Variants in DNM2 observed in about 807,000 individuals in gnomAD.
DNM2 encodes the protein dynamin-2.
A neutral mutation model predicts 99.0 loss-of-function variants in DNM2; 15 were observed. The ratio of observed to expected loss-of-function variants is 0.15; its 90% CI spans 0.10 to 0.23. The LOEUF (loss-of-function observed/expected upper bound fraction) is 0.23, where lower values mean the gene tolerates loss of function less well. Ranked by LOEUF, DNM2 falls within the 10% of genes least tolerant of loss-of-function variation. DNM2 has a pLI of 1.00. For missense variants in DNM2, 742 were observed against 1,189.4 expected (o/e 0.62, Z 5.53); for synonymous variants, 525 against 481.2 (o/e 1.09, Z -1.19).
At position 10,811,545 on chromosome 19, in the gene DNM2, G is replaced by A. The variant is rs1031311288; in HGVS notation, c.1558-719G>A. 1.1e-5 allele frequency: 4 copies of A among 376,614 alleles called. No individual in the cohort carries two copies. The highest frequency in any genetic ancestry group is 9.5e-4 in the Middle Eastern group (1 of 1,058). The allele number at this position is 376,614 out of a possible 1,614,324, so 23.3% of individuals were successfully genotyped here. On this transcript the variant is annotated intron_variant, in intron 14 of 20. Transcript: ENST00000389253. The surrounding 1 kb of genome is among the most constrained non-coding windows in gnomAD (Gnocchi z 5.4). Reference sequence around the variant, plus strand: ...CCCAGGCCGCCCTGTGCGTGCCTCCGTGTGCTTCCTGCAGCTCCCAGGGCC... The same window carrying A: ...CCCAGGCCGCCCTGTGCGTGCCTCCATGTGCTTCCTGCAGCTCCCAGGGCC...
chr19:10,801,913 A>G (rs1717772177), intron 11 of DNM2, among the ~76,000 whole-genome samples: 1 of 151,772 alleles, frequency 6.6e-6, no homozygotes, highest in Admixed American at 6.6e-5. Context: ...TCGAAGAAAA[A>G]AAAAAAAAAA....
rs772999145 is a variant in DNM2, at chr19:10,831,042, G to T, written c.2608G>T (p.Asp870Tyr). 1.2e-6 allele frequency: 2 copies of T among 1,606,370 alleles called. No individual in the cohort carries two copies. The highest frequency in any genetic ancestry group is 2.2e-5 in the East Asian group (1 of 44,618). ...CCGCCCAGCCGAGCCATCCCTGCTCGACTAGGCCTCGAGGGGGGCGTGCTC... is the reference window on the plus strand; with the variant it reads ...CCGCCCAGCCGAGCCATCCCTGCTCTACTAGGCCTCGAGGGGGGCGTGCTC... ...IIRPAEPSLL[D>Y] is the part of the protein sequence containing the mutation. The change falls in exon 21 of 21, where the codon GAC becomes TAC. Residue 870 changes from aspartate (D) to tyrosine (Y), a missense_variant. By Grantham distance (160) the Asp-to-Tyr change is radical (BLOSUM62 -3). This residue lies in a region of DNM2 where 187 missense variants were observed against 218.8 expected (regional missense o/e 0.85). Transcript: ENST00000389253. This position sits in a 1 kb window ranked among gnomAD's most constrained non-coding sequence, Gnocchi z 4.3.
At chr19:10,758,808 A>G (rs2070515698) in intron 1 of DNM2, among the ~76,000 whole-genome samples, 1 of 152,102 alleles carries the variant, frequency 6.6e-6, no homozygotes, top group South Asian at 2.1e-4. Flanking sequence ...CGGCCTCCCC[A>G]AAGTGCTGAG....
chr19:10,750,249 C>T (rs1457657253), intron 1 of DNM2, among the ~76,000 whole-genome samples: 12 of 152,008 alleles, frequency 7.9e-5, no homozygotes, highest in South Asian at 6.2e-4. Flanking sequence ...GAGGCCGATG[C>T]GGGAAGATTG....
At chr19:10,731,428 C>T (rs1185947785) in intron 1 of DNM2, among the ~76,000 whole-genome samples, 1 of 151,434 alleles carries the variant, frequency 6.6e-6, no homozygotes, top group East Asian at 1.9e-4. Flanking sequence ...TCTCAGCTCA[C>T]TGCAACCTCC....
At chr19:10,730,376 C>T (rs1008599278) in intron 1 of DNM2, among the ~76,000 whole-genome samples, 4 of 152,052 alleles carry the variant, frequency 2.6e-5, no homozygotes, top group African/African-American at 9.7e-5. Context: ...CTTGGAATCC[C>T]GAGGTGCGAG....
Position 10,830,961 on chromosome 19 carries a change from C to G in DNM2, c.2544-17C>G, listed in dbSNP as rs945329439. 6 of 1,609,760 alleles carry G rather than the reference C, an allele frequency of 3.7e-6. No individual in the cohort carries two copies. The highest frequency in any genetic ancestry group is 5.1e-6 in the Non-Finnish European group (6 of 1,178,086). ...CTGCCGTCTCCCCCTCCCCACCTGT[C>G]TTTATTCTCTTTGCAGCAGAAGACC... On this transcript the variant is annotated splice_polypyrimidine_tract_variant and intron_variant, in intron 20 of 20. Transcript: ENST00000389253. The surrounding 1 kb of genome is among the most constrained non-coding windows in gnomAD (Gnocchi z 4.8).
intron 4 of DNM2, 38 bp from the exon 5 acceptor site, chr19:10,777,080 G>C (rs1568294657): frequency 3.7e-6 from 6 of 1,605,740 alleles, no homozygotes; most frequent in Non-Finnish European, 5.1e-6. Context: ...CTCTTTCCTG[G>C]TGGCAGCCTC....
Position 10,772,558 on chromosome 19 carries a change from C to T in DNM2, c.315C>T (p.Thr105=), listed in dbSNP as rs111837150. ...TCCGGCAGGAGATTGAAGCAGAGAC[C>T]GACAGGGTCACGGGGACCAACAAAG... ...DEVRQEIEAE[T]DRVTGTNKGI... is the part of the protein sequence containing the mutation. The change falls in exon 3 of 21, where the codon ACC becomes ACT. Residue 105 remains threonine (T), a synonymous_variant. Coordinates refer to ENST00000389253, the MANE Select transcript of DNM2 (RefSeq NM_001005361.3). The surrounding 1 kb of genome is among the most constrained non-coding windows in gnomAD (Gnocchi z 4.9). 4.6e-5 allele frequency: 74 copies of T among 1,614,132 alleles called. 1 individual carries two copies. Among genetic ancestry groups the T allele is most frequent in the African/African-American group, 2.8e-4 (21 of 75,024 alleles).
intron 1 of DNM2, among the ~76,000 whole-genome samples, chr19:10,737,045 G>A (rs1004343518): frequency 6.6e-6 from 1 of 152,116 alleles, no homozygotes; most frequent in African/African-American, 2.4e-5. Flanking sequence ...CTACTCAGGA[G>A]GCTGAGGTGG....
chr19:10,825,434 G>C (rs2073110972), intron 18 of DNM2, among the ~76,000 whole-genome samples: 1 of 152,180 alleles, frequency 6.6e-6, no homozygotes. Context: ...ACTTTGCGAG[G>C]CCAAGGCGGG....
intron 1 of DNM2, among the ~76,000 whole-genome samples, chr19:10,725,675 C>T (rs916314338): frequency 3.3e-5 from 5 of 152,006 alleles, no homozygotes; most frequent in African/African-American, 9.7e-5. Context: ...CTGAGAATCA[C>T]GTAGCAAATT....
chr19:10,730,350 C>T (rs1357332240), intron 1 of DNM2, among the ~76,000 whole-genome samples: 1 of 152,154 alleles, frequency 6.6e-6, no homozygotes, highest in African/African-American at 2.4e-5. Context: ...GTGGTGCATG[C>T]CTGTACTCTT....
At chr19:10,761,794 C>T (rs1453943052) in intron 2 of DNM2, among the ~76,000 whole-genome samples, 1 of 152,170 alleles carries the variant, frequency 6.6e-6, no homozygotes, top group African/African-American at 2.4e-5. Context: ...TGGCCCCGCC[C>T]AACCTGGCAA....
Position 10,798,535 on chromosome 19 carries a change from C to T in DNM2, c.1385C>T (p.Thr462Ile), listed in dbSNP as rs1331490303. The T allele has an allele frequency of 1.9e-6, 3 of 1,614,110 alleles. No individual in the cohort carries two copies. The highest frequency in any genetic ancestry group is 2.5e-6 in the Non-Finnish European group (3 of 1,180,054). The change falls in exon 11 of 21, where the codon ACT becomes ATT. Residue 462 changes from threonine to isoleucine, a missense_variant. Thr to Ile is a moderately conservative substitution (Grantham distance 89). Coordinates refer to ENST00000389253, the MANE Select transcript of DNM2 (RefSeq NM_001005361.3). ...LREETERIVT[T>I]YIREREGRTK... Reference sequence around the variant, plus strand: ...GAGGAGACAGAGCGAATCGTCACCACTTACATCCGGGAACGGGAGGGGAGA... The same window carrying T: ...GAGGAGACAGAGCGAATCGTCACCATTTACATCCGGGAACGGGAGGGGAGA...
intron 11 of DNM2, among the ~76,000 whole-genome samples, chr19:10,800,101 C>T (rs1478828964): frequency 6.6e-6 from 1 of 152,196 alleles, no homozygotes; most frequent in Admixed American, 6.5e-5. Context: ...AAATGATCCA[C>T]CCACCTCAGC....
chr19:10,828,712 T>TTC (rs2073231424), intron 18 of DNM2, among the ~76,000 whole-genome samples: 1 of 152,070 alleles, frequency 6.6e-6, no homozygotes, highest in South Asian at 2.1e-4. Flanking sequence ...ATAAGTTGAA[T>TTC]AAGAATCTCA....
chr19:10,779,333 C>T (rs2071264861), intron 5 of DNM2, among the ~76,000 whole-genome samples: 3 of 151,844 alleles, frequency 2.0e-5, no homozygotes, highest in African/African-American at 2.4e-5. Flanking sequence ...ATAGCCCACA[C>T]ATCTGTAACC....
chr19:10,756,410 C>T (rs1406693493), intron 1 of DNM2, among the ~76,000 whole-genome samples: 1 of 152,158 alleles, frequency 6.6e-6, no homozygotes, highest in Non-Finnish European at 1.5e-5. Context: ...AAGGTTCGCT[C>T]CTTTTCATGC....
Sources: allele counts gnomAD v4.1 joint callset (sites outside exome capture counted in the v4.1 genomes callset), GRCh38; gene constraint gnomAD v4.1.1; regional missense constraint gnomAD v4.1.1; non-coding constraint Gnocchi (gnomAD v3.1); transcripts MANE v1.5; gene names NCBI Gene and HGNC (gene_info 2026-07-23, HGNC 2026-07-21).